Variants in GRM7 observed in about 807,000 individuals in gnomAD.
GRM7 encodes glutamate metabotropic receptor 7.
GRM7 carries 35 observed loss-of-function variants against 84.5 expected under a neutral mutation model. The ratio of observed to expected loss-of-function variants is 0.41; its 90% CI spans 0.32 to 0.55. The LOEUF (loss-of-function observed/expected upper bound fraction) is 0.55, where lower values mean the gene tolerates loss of function less well. Ranked by LOEUF, GRM7 falls within the 20% of genes least tolerant of loss-of-function variation. GRM7 has a pLI of 0.19. For missense variants in GRM7, 1,003 were observed against 1,194.6 expected (o/e 0.84, Z 2.36); for synonymous variants, 487 against 455.1 (o/e 1.07, Z -0.89).
intron 1 of GRM7, among the ~76,000 whole-genome samples, chr3:7,079,558 T>C (rs1322163078): frequency 2.0e-5 from 3 of 152,150 alleles, no homozygotes; most frequent in African/African-American, 7.2e-5. Flanking sequence ...CTGGAGTACT[T>C]TGAATCAGAG....
At chr3:7,056,749 C>T (rs1399861480) in intron 1 of GRM7, among the ~76,000 whole-genome samples, 1 of 151,840 alleles carries the variant, frequency 6.6e-6, no homozygotes, top group Non-Finnish European at 1.5e-5. Flanking sequence ...TTTGGTTAAA[C>T]TATTGTACCC....
At chr3:7,715,830 A>G (rs1313088939) in intron 9 of GRM7, among the ~76,000 whole-genome samples, 1 of 152,102 alleles carries the variant, frequency 6.6e-6, no homozygotes, top group South Asian at 2.1e-4. Context: ...AGCCTTCTTT[A>G]GTTTTTGAAT....
chr3:7,232,770 C>A (rs1441393757), intron 2 of GRM7, among the ~76,000 whole-genome samples: 1 of 152,152 alleles, frequency 6.6e-6, no homozygotes, highest in Non-Finnish European at 1.5e-5. Flanking sequence ...ATGAAGTTTA[C>A]ACAGCTAGTA....
At chr3:6,878,781 G>A (rs1012362540) in intron 1 of GRM7, among the ~76,000 whole-genome samples, 1 of 152,116 alleles carries the variant, frequency 6.6e-6, no homozygotes, top group Admixed American at 6.6e-5. Context: ...TCTGAGATTG[G>A]TGTTTTCAAT....
chr3:6,950,687 G>A (rs891048075), intron 1 of GRM7, among the ~76,000 whole-genome samples: 1 of 152,208 alleles, frequency 6.6e-6, no homozygotes, highest in South Asian at 2.1e-4. Flanking sequence ...GCCTCCTTGA[G>A]CTGTGGTGGG....
chr3:7,043,839 C>T (rs1433360986), intron 1 of GRM7, among the ~76,000 whole-genome samples: 3 of 152,152 alleles, frequency 2.0e-5, no homozygotes, highest in Non-Finnish European at 4.4e-5. Context: ...GCCTTGACTT[C>T]CTACCCAGCA....
At chr3:7,347,671 G>A (rs575124979) in intron 4 of GRM7, among the ~76,000 whole-genome samples, 7 of 152,122 alleles carry the variant, frequency 4.6e-5, no homozygotes, top group Non-Finnish European at 1.0e-4. Context: ...TTGACCAAAT[G>A]TAAGGCATAC....
At chr3:7,653,509 G>A (rs1413876758) in intron 8 of GRM7, among the ~76,000 whole-genome samples, 1 of 152,098 alleles carries the variant, frequency 6.6e-6, no homozygotes, top group African/African-American at 2.4e-5. Context: ...CTATCTCAAA[G>A]TCCAGTCCCC....
At chr3:7,026,615 G>A (rs1272056691) in intron 1 of GRM7, among the ~76,000 whole-genome samples, 1 of 152,102 alleles carries the variant, frequency 6.6e-6, no homozygotes, top group African/African-American at 2.4e-5. Context: ...ACAAGAGAGG[G>A]GAAAAATGCT....
intron 2 of GRM7, among the ~76,000 whole-genome samples, chr3:7,236,430 CT>C (rs1378232248): frequency 6.6e-6 from 1 of 152,168 alleles, no homozygotes; most frequent in Non-Finnish European, 1.5e-5. Context: ...TTTTACATGG[CT>C]TCCTATATCC....
At chr3:7,436,919 T>TATCATC (rs3065613) in intron 5 of GRM7, among the ~76,000 whole-genome samples, 5 of 151,644 alleles carry the variant, frequency 3.3e-5, no homozygotes, top group South Asian at 4.2e-4. Flanking sequence ...TCAGGTCTTT[T>TATCATC]ATCATCATCA....
chr3:7,682,456 G>C (rs1384121453), intron 9 of GRM7: 1 of 150,654 alleles, frequency 6.6e-6, no homozygotes, highest in African/African-American at 2.4e-5. Context: ...ATAATTAGTG[G>C]CTTTTTATTA....
chr3:7,515,902 G>T (rs574296125), intron 7 of GRM7, among the ~76,000 whole-genome samples: 4 of 152,174 alleles, frequency 2.6e-5, no homozygotes, highest in Admixed American at 2.6e-4. Flanking sequence ...CAGCACTTTG[G>T]GAGACAGAGA....
chr3:7,016,806 CAAAG>C (rs759472135), intron 1 of GRM7, among the ~76,000 whole-genome samples: 5 of 152,132 alleles, frequency 3.3e-5, no homozygotes, highest in Non-Finnish European at 5.9e-5. Context: ...GTTTTAGAGA[CAAAG>C]AAACTGAGAC....
intron 7 of GRM7, among the ~76,000 whole-genome samples, chr3:7,501,850 T>G (rs1414924803): frequency 6.6e-6 from 1 of 152,174 alleles, no homozygotes; most frequent in African/African-American, 2.4e-5. Context: ...GAACTGAGTG[T>G]CAGAAAATCC....
chr3:7,204,165 T>C (rs190717363), intron 2 of GRM7, among the ~76,000 whole-genome samples: 1 of 152,352 alleles, frequency 6.6e-6, no homozygotes, highest in Admixed American at 6.5e-5. Flanking sequence ...ACTCTGGCCC[T>C]GTCCACCTGG....
chr3:7,711,610 A>C (rs1052289211), intron 9 of GRM7, among the ~76,000 whole-genome samples: 1 of 152,220 alleles, frequency 6.6e-6, no homozygotes, highest in Non-Finnish European at 1.5e-5. Context: ...TCTCAAAGGC[A>C]TGCTGCCTGG....
intron 4 of GRM7, among the ~76,000 whole-genome samples, chr3:7,352,926 A>G (rs1373178547): frequency 6.6e-6 from 1 of 152,102 alleles, no homozygotes; most frequent in Non-Finnish European, 1.5e-5. Context: ...TTAACAGTAG[A>G]CACCCTGGAG....
intron 4 of GRM7, among the ~76,000 whole-genome samples, chr3:7,326,563 G>T (rs1700995576): frequency 6.6e-6 from 1 of 152,042 alleles, no homozygotes. Context: ...AAAGGAGACT[G>T]GGGGCTGGGC....
Sources: allele counts gnomAD v4.1 joint callset (sites outside exome capture counted in the v4.1 genomes callset), GRCh38; gene constraint gnomAD v4.1.1; transcripts MANE v1.5; gene names NCBI Gene and HGNC (gene_info 2026-07-23, HGNC 2026-07-21).